Variants in CNOT6L observed in about 807,000 individuals in gnomAD.
The protein encoded by CNOT6L is CCR4-NOT transcription complex subunit 6 like.
CNOT6L carries 7 observed loss-of-function variants against 64.0 expected under a neutral mutation model. That is an observed-to-expected ratio of 0.11 (90% CI 0.06 to 0.21). The LOEUF (loss-of-function observed/expected upper bound fraction) is 0.21. Among genes scored for constraint, CNOT6L ranks in the 10% least tolerant of loss-of-function variants. The pLI is 1.00. For synonymous variants in CNOT6L, 193 were observed against 243.4 expected (o/e 0.79, Z 1.93); for missense variants, 245 against 669.0 (o/e 0.37, Z 6.99).
chr4:77,779,762 C>A (rs959345903), intron 1 of CNOT6L, among the ~76,000 whole-genome samples: 2 of 152,154 alleles, frequency 1.3e-5, no homozygotes, highest in Admixed American at 1.3e-4. Context: ...GAGATCGAGA[C>A]CATCCTGGCT....
intron 5 of CNOT6L, among the ~76,000 whole-genome samples, chr4:77,749,138 G>A (rs1319854388): frequency 1.3e-5 from 2 of 152,146 alleles, no homozygotes; most frequent in Non-Finnish European, 2.9e-5. Flanking sequence ...TCTAGCCACA[G>A]AAATTTTGAC....
intron 1 of CNOT6L, among the ~76,000 whole-genome samples, chr4:77,805,222 C>T (rs1039715160): frequency 2.0e-5 from 3 of 152,044 alleles, no homozygotes; most frequent in African/African-American, 4.8e-5. Flanking sequence ...GAAAATTATG[C>T]GTTTTATTAC....
At chr4:77,794,374 C>A (rs1730553774) in intron 1 of CNOT6L, among the ~76,000 whole-genome samples, 1 of 151,796 alleles carries the variant, frequency 6.6e-6, no homozygotes, top group Non-Finnish European at 1.5e-5. Context: ...CAAATAAAGT[C>A]TTTTTTGAAG....
At chr4:77,774,486 T>C (rs1226518604) in intron 3 of CNOT6L, 44 bp downstream of exon 3, 1 of 1,465,354 alleles carries the variant, frequency 6.8e-7, no homozygotes, top group Non-Finnish European at 9.2e-7. Flanking sequence ...TTTTCTTAAA[T>C]TTAGAATTTT....
intron 8 of CNOT6L, among the ~76,000 whole-genome samples, chr4:77,737,406 CTTTTTTTTTTTTTTTT>C (rs56952956): frequency 2.9e-4 from 24 of 82,380 alleles, no homozygotes; most frequent in African/African-American, 1.1e-3. Flanking sequence ...TTGTACCGTT[CTTTTTTTTTTTTTTTT>C]TTTTTTTTTT....
At chr4:77,802,250 CATTG>C (rs1186321419) in intron 1 of CNOT6L, among the ~76,000 whole-genome samples, 2 of 152,154 alleles carry the variant, frequency 1.3e-5, no homozygotes, top group Non-Finnish European at 2.9e-5. Context: ...TGTATGTCAG[CATTG>C]ATTCTCTATC....
At chr4:77,787,971 C>G (rs1277351854) in intron 1 of CNOT6L, among the ~76,000 whole-genome samples, 1 of 152,180 alleles carries the variant, frequency 6.6e-6, no homozygotes, top group Non-Finnish European at 1.5e-5. Context: ...AATCCTTTGT[C>G]TTTAAAGTTT....
chr4:77,817,034 G>A (rs1395594652), intron 1 of CNOT6L, among the ~76,000 whole-genome samples: 1 of 152,132 alleles, frequency 6.6e-6, no homozygotes, highest in Non-Finnish European at 1.5e-5. Flanking sequence ...CAGTCAACAT[G>A]AGCTAGCATT....
At position 77,719,018 on chromosome 4, in the gene CNOT6L, A is replaced by G. The variant is rs2053736570; in HGVS notation, c.*1413T>C. ...AGTGCATGAAAAGTTTAAAATATAA[A>G]TTTCAGAAAACTCTTATAGCAGCAA... is the stretch of plus-strand genomic sequence containing the variant. On this transcript the variant is annotated 3_prime_UTR_variant, in exon 12 of 12. Transcript: ENST00000504123. 6.6e-6 allele frequency: 1 copy of G among 152,570 alleles called. No individual in the cohort carries two copies. 9.5% of individuals were successfully genotyped at this position (152,570 alleles called of 1,614,324 possible).
rs1454514372 is a variant in CNOT6L at position 77,717,572 on chromosome 4, T to A, written c.*2859A>T. Reference sequence around the variant, plus strand: ...CTGATAACTAGAAAGTATATGAGCATATATATTTTACTTTCATTGAATATA... The same window carrying A: ...CTGATAACTAGAAAGTATATGAGCAAATATATTTTACTTTCATTGAATATA... On this transcript the variant is annotated 3_prime_UTR_variant, in exon 12 of 12. Transcript: ENST00000504123. The A allele has an allele frequency of 6.6e-6, 1 of 152,374 alleles. No individual in the cohort carries two copies. The highest frequency in any genetic ancestry group is 1.5e-5 in the Non-Finnish European group (1 of 68,020). 9.4% of individuals were successfully genotyped at this position (152,374 alleles called of 1,614,324 possible).
At chr4:77,742,612 A>G in intron 7 of CNOT6L, 1 of 298,562 alleles carries the variant, frequency 3.3e-6, no homozygotes. Context: ...ACTGGCAACT[A>G]AACAAAGCAA....
At chr4:77,786,550 T>C (rs1278044877) in intron 1 of CNOT6L, among the ~76,000 whole-genome samples, 1 of 152,194 alleles carries the variant, frequency 6.6e-6, no homozygotes, top group Non-Finnish European at 1.5e-5. Context: ...CATGGTTCAA[T>C]GGAGTCTTGA....
In CNOT6L at chr4:77,717,526, T is replaced by A. The variant is rs1278769823; in HGVS notation, c.*2905A>T. On this transcript the variant is annotated 3_prime_UTR_variant, in exon 12 of 12. Transcript: ENST00000504123. ...CTGATTAAAATATGCAGCAGCCCAA[T>A]GGCATAAAGCTTAACTCATTCTGAT... 2 of 152,512 alleles carry A rather than the reference T, an allele frequency of 1.3e-5. No individual in the cohort carries two copies. The highest frequency in any genetic ancestry group is 4.8e-5 in the African/African-American group (2 of 41,566). The allele number at this position is 152,512 out of a possible 1,614,324, so 9.4% of individuals were successfully genotyped here. A position where few individuals can be genotyped will look rare whatever the true frequency, so the allele number is the denominator to read the frequency against.
chr4:77,730,497 T>G (rs751322792), intron 9 of CNOT6L, among the ~76,000 whole-genome samples: 20 of 151,790 alleles, frequency 1.3e-4, no homozygotes, highest in Non-Finnish European at 2.8e-4. Flanking sequence ...GGAGTAAAAC[T>G]CCAAAAGATA....
At chr4:77,772,480 GTTAAT>G (rs781679283) in intron 4 of CNOT6L, among the ~76,000 whole-genome samples, 1 of 149,748 alleles carries the variant, frequency 6.7e-6, no homozygotes, top group Non-Finnish European at 1.5e-5. Flanking sequence ...TTTTTTAAGT[GTTAAT>G]TTAAATTATC....
At chr4:77,747,985 T>C (rs759325055) in intron 6 of CNOT6L, among the ~76,000 whole-genome samples, 5 of 152,182 alleles carry the variant, frequency 3.3e-5, no homozygotes, top group Non-Finnish European at 7.4e-5. Context: ...GAAGATGCCA[T>C]TTGGAAAGCT....
At chr4:77,789,347 T>G (rs887332300) in intron 1 of CNOT6L, among the ~76,000 whole-genome samples, 1 of 151,968 alleles carries the variant, frequency 6.6e-6, no homozygotes, top group South Asian at 2.1e-4. Context: ...TCAACTCAAT[T>G]TTCTCATTAA....
intron 1 of CNOT6L, among the ~76,000 whole-genome samples, chr4:77,808,237 G>T (rs1309577187): frequency 6.6e-6 from 1 of 152,062 alleles, no homozygotes; most frequent in East Asian, 1.9e-4. Flanking sequence ...TGAGGCAGGT[G>T]GATCATTTGA....
chr4:77,776,434 T>G, intron 1 of CNOT6L, 42 bp from the exon 2 acceptor site: 1 of 1,400,074 alleles, frequency 7.1e-7, no homozygotes, highest in Non-Finnish European at 9.8e-7. Context: ...ATTATTATAG[T>G]CTTACTTTAA....
Sources: allele counts gnomAD v4.1 joint callset (sites outside exome capture counted in the v4.1 genomes callset), GRCh38; gene constraint gnomAD v4.1.1; transcripts MANE v1.5; gene names NCBI Gene and HGNC (gene_info 2026-07-23, HGNC 2026-07-21).